The following ATAD3A variants were observed in gnomAD, a reference collection of about 807,000 sequenced individuals.
The protein encoded by ATAD3A is ATPase family AAA domain containing 3A.
A neutral mutation model predicts 73.8 loss-of-function variants in ATAD3A; 46 were observed. The observed-to-expected ratio is 0.62, with a 90% confidence interval of 0.49 to 0.80. The LOEUF (loss-of-function observed/expected upper bound fraction) is 0.80. Among genes scored for constraint, ATAD3A ranks in the 30% least tolerant of loss-of-function variants. ATAD3A has a pLI of 0.00. For missense variants in ATAD3A, 705 were observed against 838.0 expected, an observed-to-expected ratio of 0.84 and a Z score of 1.96; for synonymous variants, 319 against 350.0, an observed-to-expected ratio of 0.91 and a Z score of 0.99.
Position 1,534,086 on chromosome 1 carries a change from T to G in ATAD3A, c.*14T>G, listed in dbSNP as rs371496315. ...TCCCCATCCTGAGTCCACAGGGAGATCCACAGCTCACGGAGCCTGGCCGCG... is the reference window on the plus strand; with the variant it reads ...TCCCCATCCTGAGTCCACAGGGAGAGCCACAGCTCACGGAGCCTGGCCGCG... On this transcript the variant is annotated 3_prime_UTR_variant, in exon 16 of 16. Coordinates refer to ENST00000378756, the MANE Select transcript of ATAD3A (RefSeq NM_001170535.3). The G allele has an allele frequency of 6.2e-7, 1 of 1,612,774 alleles. No individual in the cohort carries two copies. The highest frequency in any genetic ancestry group is 8.5e-7 in the Non-Finnish European group (1 of 1,179,286).
chr1:1,517,892 T>A lies in ATAD3A; in HGVS notation c.444+117T>A, dbSNP rs1570324101. 1.3e-5 allele frequency: 19 copies of A among 1,491,846 alleles called. No individual in the cohort carries two copies. In the South Asian group the frequency reaches 2.0e-4, roughly 16 times the overall value. 92.4% of individuals were successfully genotyped at this position (1,491,846 alleles called of 1,614,324 possible). A position where few individuals can be genotyped will look rare whatever the true frequency, so the allele number is the denominator to read the frequency against. On this transcript the variant is annotated intron_variant, in intron 4 of 15. Coordinates refer to ENST00000378756, the MANE Select transcript of ATAD3A (RefSeq NM_001170535.3). The stretch of plus-strand genomic sequence containing the variant: ...GAACGCTGGGGTTGCTGACGGTGGG[T>A]GCTAGAGCAGGGGAAACTACTCGGA...
In ATAD3A at chr1:1,531,753, G is replaced by A. The variant is rs1327479552; in HGVS notation, c.1615-2173G>A. ...AGATCGCACCACTGCACTCCAGCCT[G>A]GGCGACAGAGCAAGACTCTGTCTCA... On this transcript the variant is annotated intron_variant, in intron 15 of 15. Coordinates refer to ENST00000378756, the MANE Select transcript of ATAD3A (RefSeq NM_001170535.3). 5.3e-5 allele frequency among the ~76,000 whole-genome samples: 8 copies of A among 151,778 alleles called. No individual in the cohort carries two copies. In the East Asian group the frequency reaches 1.6e-3, roughly 30 times the overall value.
At position 1,523,693 on chromosome 1, in the gene ATAD3A, G is replaced by A; in HGVS notation, c.963+126G>A. The A allele has an allele frequency of 1.9e-6, 3 of 1,589,592 alleles. No individual in the cohort carries two copies. On this transcript the variant is annotated intron_variant, in intron 9 of 15. Coordinates refer to ENST00000378756, the MANE Select transcript of ATAD3A (RefSeq NM_001170535.3). The surrounding 1 kb of genome is among the most constrained non-coding windows in gnomAD (Gnocchi z 5.1). ...TTTGGGTCCTGAGATGCGACTGCTTGGACCGTGCTGGGGATAGATAGGCTG... is the reference window on the plus strand; with the variant it reads ...TTTGGGTCCTGAGATGCGACTGCTTAGACCGTGCTGGGGATAGATAGGCTG...
chr1:1,526,166 G>C (rs955408412), intron 12 of ATAD3A, among the ~76,000 whole-genome samples: 2 of 151,862 alleles, frequency 1.3e-5, no homozygotes, highest in African/African-American at 4.8e-5. Flanking sequence ...GGGACTACAG[G>C]TGCGCCACCA....
At chr1:1,518,417 G>A (rs1287735565) in intron 4 of ATAD3A, among the ~76,000 whole-genome samples, 12 of 120,946 alleles carry the variant, frequency 9.9e-5, no homozygotes, top group African/African-American at 3.6e-4. Flanking sequence ...CCCCATAGAC[G>A]GACACACACA....
intron 1 of ATAD3A, among the ~76,000 whole-genome samples, chr1:1,514,152 G>A (rs1641283199): frequency 6.6e-6 from 1 of 152,162 alleles, no homozygotes; most frequent in Admixed American, 6.5e-5. Context: ...TAACCGAGAG[G>A]CCACACGGGC....
At chr1:1,516,800 C>T (rs1182728013) in intron 2 of ATAD3A, among the ~76,000 whole-genome samples, 2 of 152,076 alleles carry the variant, frequency 1.3e-5, no homozygotes, top group East Asian at 3.9e-4. Flanking sequence ...TCACCGCAAC[C>T]TCTACCTCCC....
chr1:1,520,041 G>A lies in ATAD3A; in HGVS notation c.515-100G>A, dbSNP rs928695728. On this transcript the variant is annotated intron_variant, in intron 5 of 15. Coordinates refer to ENST00000378756, the MANE Select transcript of ATAD3A (RefSeq NM_001170535.3). The surrounding 1 kb of genome is among the most constrained non-coding windows in gnomAD (Gnocchi z 4.0). The stretch of plus-strand genomic sequence containing the variant: ...GCCTGTCTGTGGCGTTGGTCTGTCC[G>A]TGGCGTGGGCCGGTCCGTGGCGTGG... 52 of 1,503,118 alleles carry A rather than the reference G, an allele frequency of 3.5e-5. No individual in the cohort carries two copies. Among genetic ancestry groups the A allele is most frequent in the South Asian group, 1.3e-4 (10 of 78,016 alleles). The allele number at this position is 1,503,118 out of a possible 1,614,324, so 93.1% of individuals were successfully genotyped here. A position where few individuals can be genotyped will look rare whatever the true frequency, so the allele number is the denominator to read the frequency against.
intron 13 of ATAD3A, among the ~76,000 whole-genome samples, chr1:1,526,869 C>T (rs987048236): frequency 6.6e-6 from 1 of 152,158 alleles, no homozygotes; most frequent in Non-Finnish European, 1.5e-5. Flanking sequence ...TCTGCTGGGT[C>T]TCCCTTGGAG....
At chr1:1,531,601 A>G (rs6688404) in intron 15 of ATAD3A, among the ~76,000 whole-genome samples, 33,600 of 150,908 alleles carry the variant, frequency 0.22, 8,301 homozygotes, top group African/African-American at 0.6. Context: ...GTGGAACCCC[A>G]TCTCTAATAA....
intron 4 of ATAD3A, 74 bp from the exon 5 acceptor site, chr1:1,518,847 C>G: frequency 6.2e-7 from 1 of 1,611,104 alleles, no homozygotes. Context: ...CACTCGGGCA[C>G]AGTCATCCCC....
In ATAD3A at chr1:1,529,207, G is replaced by A. The variant is rs745334345; in HGVS notation, c.1506-16G>A. ...GCTGCTGCCTTGGCCGGCCCACTTG[G>A]GAACTCCTTCCCCAGGCGCCTGAAG... On this transcript the variant is annotated splice_polypyrimidine_tract_variant and intron_variant, in intron 14 of 15. Transcript: ENST00000378756. The A allele has an allele frequency of 1.2e-6, 2 of 1,607,802 alleles. No homozygotes were observed. The highest frequency in any genetic ancestry group is 2.2e-5 in the South Asian group (2 of 89,720).
At position 1,520,505 on chromosome 1, in the gene ATAD3A, G is replaced by T. The variant is rs761233960; in HGVS notation, c.681-43G>T. ...CAACCTGCTCTCGCTGCGTGGCACGGATCTTCGTGTCCTTCCTGGTCACAC... is the reference window on the plus strand; with the variant it reads ...CAACCTGCTCTCGCTGCGTGGCACGTATCTTCGTGTCCTTCCTGGTCACAC... On this transcript the variant is annotated intron_variant, in intron 6 of 15. Coordinates refer to ENST00000378756, the MANE Select transcript of ATAD3A (RefSeq NM_001170535.3). The surrounding 1 kb of genome is among the most constrained non-coding windows in gnomAD (Gnocchi z 4.0). The T allele has an allele frequency of 6.2e-7, 1 of 1,614,096 alleles. No individual in the cohort carries two copies. Among genetic ancestry groups the T allele is most frequent in the Non-Finnish European group, 8.5e-7 (1 of 1,179,930 alleles).
Position 1,518,621 on chromosome 1 carries a change from A to ACCCCC in ATAD3A, c.445-295_445-291dup, listed in dbSNP as rs148694040. 4.2e-3 allele frequency among the ~76,000 whole-genome samples: 160 copies of ACCCCC among 38,092 alleles called. 1 individual carries two copies. Among genetic ancestry groups the ACCCCC allele is most frequent in the African/African-American group, 8.2e-3 (43 of 5,226 alleles). The allele number at this position is 38,092 out of a possible 152,430, so 25.0% of individuals were successfully genotyped here. On this transcript the variant is annotated intron_variant, in intron 4 of 15. Transcript: ENST00000378756. ...CACACACCCACACACGGGCGTACAC[A>ACCCCC]CCCCCCCCCACAGGCACGCACAACC...
intron 1 of ATAD3A, among the ~76,000 whole-genome samples, chr1:1,513,669 TGA>T (rs1196094085): frequency 1.3e-5 from 2 of 152,184 alleles, no homozygotes; most frequent in South Asian, 2.1e-4. Context: ...TGCTGGCAGG[TGA>T]GAGAGGTTTC....
rs1453200007 is a variant in ATAD3A, at chr1:1,518,916, C to G, written c.445-5C>G. ...CTTTTCTCTTTTTCTGCGGCTTCTT[C>G]TCAGCAACTTCTCAATGAGGAGAAT... On this transcript the variant is annotated splice_region_variant and splice_polypyrimidine_tract_variant and intron_variant, in intron 4 of 15. Coordinates refer to ENST00000378756, the MANE Select transcript of ATAD3A (RefSeq NM_001170535.3). 3.7e-6 allele frequency: 6 copies of G among 1,614,136 alleles called. No individual in the cohort carries two copies. The highest frequency in any genetic ancestry group is 2.7e-5 in the African/African-American group (2 of 75,058).
intron 12 of ATAD3A, 106 bp from the exon 13 acceptor site, chr1:1,526,355 C>T (rs1017145750): frequency 1.8e-5 from 28 of 1,564,018 alleles, no homozygotes; most frequent in African/African-American, 4.1e-5. Context: ...ATGAAAGTGT[C>T]GCCATGTCCC....
chr1:1,526,584 C>T (rs1383704350), intron 13 of ATAD3A, 53 bp downstream of exon 13: 2 of 1,611,102 alleles, frequency 1.2e-6, no homozygotes, highest in Non-Finnish European at 1.7e-6. Context: ...GCAGCCGTCG[C>T]CCTTGGTTCC....
intron 14 of ATAD3A, among the ~76,000 whole-genome samples, chr1:1,528,603 C>A (rs1249088715): frequency 6.6e-6 from 1 of 152,244 alleles, no homozygotes; most frequent in Non-Finnish European, 1.5e-5. Flanking sequence ...CAGAGCCCTC[C>A]AGGTGATGAG....
Sources: gnomAD v4.1 joint callset for allele counts (sites outside exome capture counted in the v4.1 genomes callset) on GRCh38, gnomAD v4.1.1 for gene constraint, Gnocchi (gnomAD v3.1) non-coding constraint, MANE v1.5 for transcripts, NCBI Gene and HGNC (gene_info 2026-07-23, HGNC 2026-07-21) for gene names.